The following SRGAP2 variants were observed in gnomAD, a reference collection of about 807,000 sequenced individuals.
SRGAP2 encodes SLIT-ROBO Rho GTPase activating protein 2.
A neutral mutation model predicts 57.2 loss-of-function variants in SRGAP2; 15 were observed. The ratio of observed to expected loss-of-function variants is 0.26; its 90% CI spans 0.18 to 0.40. SRGAP2 has a LOEUF of 0.40. Ranked by LOEUF, SRGAP2 falls within the 10% of genes least tolerant of loss-of-function variation. The pLI, the probability that SRGAP2 is intolerant of heterozygous loss-of-function variation, is 1.00. For missense variants in SRGAP2, 520 were observed against 669.6 expected (o/e 0.78, Z 2.47); for synonymous variants, 249 against 248.0 (o/e 1.00, Z -0.04).
At position 206,461,111 on chromosome 1, in the gene SRGAP2, C is replaced by T. The variant is rs967483499; in HGVS notation, c.2907C>T (p.Thr969=). 9.0e-6 allele frequency: 7 copies of T among 779,120 alleles called. No homozygotes were observed. In the African/African-American group the frequency reaches 1.0e-4, roughly 11 times the overall value. The allele number at this position is 779,120 out of a possible 1,614,324, so 48.3% of individuals were successfully genotyped here. ...AACGGCAGAGCAGTGTCAAACACAC[C>T]CCTGACGTGGTTCTGGACACCTTGG... is the stretch of plus-strand genomic sequence containing the variant. ...ELERQSSVKH[T]PDVVLDTLEP... is the part of the protein sequence containing the mutation. Residue 969 remains threonine, a synonymous_variant, in exon 23 of 23, where the codon ACC becomes ACT. Coordinates refer to ENST00000573034, the MANE Select transcript of SRGAP2 (RefSeq NM_015326.5).
intron 3 of SRGAP2, among the ~76,000 whole-genome samples, chr1:206,311,210 A>G (rs1201524685): frequency 2.0e-5 from 3 of 151,976 alleles, no homozygotes; most frequent in Non-Finnish European, 2.9e-5. Context: ...CTGGGTGACT[A>G]TAAAGTAGAA....
intron 14 of SRGAP2, among the ~76,000 whole-genome samples, chr1:206,432,320 A>C (rs1340513580): frequency 1.3e-5 from 2 of 152,186 alleles, no homozygotes; most frequent in African/African-American, 4.8e-5. Context: ...TTTATATGTT[A>C]CTAATGGGAA....
chr1:206,450,591 C>T (rs1311751808), intron 19 of SRGAP2, 126 bp downstream of exon 19: 1 of 621,458 alleles, frequency 1.6e-6, no homozygotes, highest in Non-Finnish European at 2.9e-6. Flanking sequence ...AGAGAGCTCC[C>T]TGTCTCAATT....
intron 2 of SRGAP2, among the ~76,000 whole-genome samples, chr1:206,216,647 C>A (rs1666661429): frequency 6.6e-6 from 1 of 151,384 alleles, no homozygotes; most frequent in African/African-American, 2.4e-5. Flanking sequence ...TATGAAATAG[C>A]CTTGACCTTA....
At chr1:206,323,577 G>A (rs1276438782) in intron 3 of SRGAP2, among the ~76,000 whole-genome samples, 1 of 151,844 alleles carries the variant, frequency 6.6e-6, no homozygotes, top group Non-Finnish European at 1.5e-5. Flanking sequence ...TCCAGCATCA[G>A]CATCAGCATC....
At chr1:206,437,847 C>A in intron 15 of SRGAP2, 117 bp from the exon 16 acceptor site, 3 of 712,532 alleles carry the variant, frequency 4.2e-6, no homozygotes, top group Non-Finnish European at 7.8e-6. Context: ...CCATGCCGGG[C>A]AGAAAGCTGA....
chr1:206,439,775 C>A (rs1198004617), intron 16 of SRGAP2, among the ~76,000 whole-genome samples: 2 of 152,194 alleles, frequency 1.3e-5, no homozygotes, highest in Admixed American at 6.5e-5. Context: ...TGGTAAATGT[C>A]TGGAGCCCAG....
At chr1:206,385,019 T>A (rs566755759) in intron 5 of SRGAP2, among the ~76,000 whole-genome samples, 1 of 149,004 alleles carries the variant, frequency 6.7e-6, no homozygotes, top group East Asian at 1.9e-4. Context: ...TTTTTTTTTT[T>A]AATTCACAGA....
chr1:206,258,113 A>T (rs1354699128), intron 2 of SRGAP2, among the ~76,000 whole-genome samples: 1 of 151,736 alleles, frequency 6.6e-6, no homozygotes, highest in Non-Finnish European at 1.5e-5. Context: ...ATGGGAAGGA[A>T]TCTGGATTAA....
chr1:206,416,017 G>A lies in SRGAP2; in HGVS notation c.1441+44G>A, dbSNP rs782736455. 6 of 760,400 alleles carry A rather than the reference G, an allele frequency of 7.9e-6. No homozygotes were observed. In the African/African-American group the frequency reaches 1.0e-4, roughly 13 times the overall value. The allele number at this position is 760,400 out of a possible 1,614,324, so 47.1% of individuals were successfully genotyped here. ...TGCTAGAGGCTTGACAGTGAGGCCA[G>A]CTGGAGCTTTCTTGCTGAGCACACG... On this transcript the variant is annotated intron_variant, in intron 11 of 22. Transcript: ENST00000573034.
intron 10 of SRGAP2, among the ~76,000 whole-genome samples, chr1:206,409,654 C>T (rs1331696558): frequency 4.6e-5 from 7 of 151,406 alleles, no homozygotes; most frequent in Admixed American, 1.3e-4. Context: ...TGGTGGCAGG[C>T]GCCTGTAATC....
Position 206,461,547 on chromosome 1 carries a change from GCCTCCCCGTCTCCCAAAAC to G in SRGAP2, c.*129_*147del, listed in dbSNP as rs1664266862. 4 of 648,866 alleles carry G rather than the reference GCCTCCCCGTCTCCCAAAAC, an allele frequency of 6.2e-6. No homozygotes were observed. Among genetic ancestry groups the G allele is most frequent in the Non-Finnish European group, 5.6e-6 (2 of 356,508 alleles). The allele number at this position is 648,866 out of a possible 1,614,324, so 40.2% of individuals were successfully genotyped here. ...TTCTAAGTTGTTCTTGCAGGAATTAGCCTCCCCGTCTCCCAAAACCTTGAGAATGAAGCCCTTGGTATCG... is the reference window on the plus strand; with the variant it reads ...TTCTAAGTTGTTCTTGCAGGAATTAGCTTGAGAATGAAGCCCTTGGTATCG... On this transcript the variant is annotated 3_prime_UTR_variant, in exon 23 of 23. Coordinates refer to ENST00000573034, the MANE Select transcript of SRGAP2 (RefSeq NM_015326.5).
chr1:206,412,963 G>A (rs1327645726), intron 10 of SRGAP2, among the ~76,000 whole-genome samples: 1 of 152,168 alleles, frequency 6.6e-6, no homozygotes, highest in Non-Finnish European at 1.5e-5. Context: ...TTCATACCTT[G>A]ACACAGTTAT....
intron 3 of SRGAP2, among the ~76,000 whole-genome samples, chr1:206,313,863 C>T (rs1253281433): frequency 6.6e-6 from 1 of 151,234 alleles, no homozygotes; most frequent in African/African-American, 2.5e-5. Context: ...TATCTTCTTA[C>T]CATGTGCCAG....
chr1:206,463,026 C>G lies in SRGAP2; in HGVS notation c.*1606C>G, dbSNP rs1214892783. The G allele has an allele frequency of 6.6e-6, 1 of 152,052 alleles. No homozygotes were observed. The highest frequency in any genetic ancestry group is 1.9e-4 in the East Asian group (1 of 5,196). The allele number at this position is 152,052 out of a possible 1,614,324, so 9.4% of individuals were successfully genotyped here. ...TTTAGCCTTATTATTTTCTGTAGTT[C>G]CGGAGAGATGGTGGGTTGCCATTCT... On this transcript the variant is annotated 3_prime_UTR_variant, in exon 23 of 23. Coordinates refer to ENST00000573034, the MANE Select transcript of SRGAP2 (RefSeq NM_015326.5).
chr1:206,419,193 T>G (rs2103237155), intron 11 of SRGAP2, among the ~76,000 whole-genome samples, 180 bp from the exon 12 acceptor site: 1 of 152,198 alleles, frequency 6.6e-6, no homozygotes, highest in Middle Eastern at 3.4e-3. Context: ...CTTGGTGCTT[T>G]CTTTTCTTTC....
intron 3 of SRGAP2, among the ~76,000 whole-genome samples, chr1:206,303,710 C>T (rs1672004955): frequency 6.6e-6 from 1 of 152,068 alleles, no homozygotes; most frequent in Non-Finnish European, 1.5e-5. Flanking sequence ...GTTTATAGCT[C>T]TGTTGCCAGG....
At chr1:206,444,503 A>G (rs1662584015) in intron 17 of SRGAP2, among the ~76,000 whole-genome samples, 1 of 152,200 alleles carries the variant, frequency 6.6e-6, no homozygotes, top group Admixed American at 6.5e-5. Flanking sequence ...TTATGTTACC[A>G]AAACATTGTC....
chr1:206,232,139 C>T (rs1407382901), intron 2 of SRGAP2, among the ~76,000 whole-genome samples: 75 of 152,020 alleles, frequency 4.9e-4, no homozygotes, highest in African/African-American at 1.8e-3. Context: ...CTGCGTTCAG[C>T]GTCTGTGCTC....
Sources: gnomAD v4.1 joint callset for allele counts (sites outside exome capture counted in the v4.1 genomes callset) on GRCh38, gnomAD v4.1.1 for gene constraint, MANE v1.5 for transcripts, NCBI Gene and HGNC (gene_info 2026-07-23, HGNC 2026-07-21) for gene names.